The following STXBP5L variants were observed in gnomAD, a reference collection of about 807,000 sequenced individuals.
The protein encoded by STXBP5L is syntaxin-binding protein 5-like.
A neutral mutation model predicts 144.5 loss-of-function variants in STXBP5L; 65 were observed. That is an observed-to-expected ratio of 0.45 (90% CI 0.37 to 0.55). The LOEUF is 0.55. Ranked by LOEUF, STXBP5L falls within the 20% of genes least tolerant of loss-of-function variation. The pLI is 0.00. For synonymous variants in STXBP5L, 505 were observed against 469.6 expected, an observed-to-expected ratio of 1.08 and a Z score of -0.97; for missense variants, 1,298 against 1,405.5, an observed-to-expected ratio of 0.92 and a Z score of 1.22.
intron 20 of STXBP5L, among the ~76,000 whole-genome samples, chr3:121,365,786 G>A (rs1171361479): frequency 1.3e-5 from 2 of 150,598 alleles, no homozygotes; most frequent in Non-Finnish European, 3.0e-5. Flanking sequence ...CTGCTCTAAT[G>A]TTTATGTTTT....
At chr3:121,355,472 C>T (rs187347180) in intron 20 of STXBP5L, among the ~76,000 whole-genome samples, 90 of 152,238 alleles carry the variant, frequency 5.9e-4, no homozygotes, top group Non-Finnish European at 1.1e-3. Context: ...TCCACTTGAT[C>T]GAATCAGCTA....
intron 9 of STXBP5L, among the ~76,000 whole-genome samples, chr3:121,191,933 CAG>C (rs2047704567): frequency 8.2e-6 from 1 of 122,552 alleles, no homozygotes; most frequent in Non-Finnish European, 1.6e-5. Context: ...ACATCACACA[CAG>C]GGGCCTGTTT....
chr3:121,406,124 T>C (rs902429398), intron 22 of STXBP5L, among the ~76,000 whole-genome samples: 2 of 151,994 alleles, frequency 1.3e-5, no homozygotes, highest in Non-Finnish European at 2.9e-5. Context: ...GGGAGAGATG[T>C]TCTTTTATCC....
chr3:121,328,558 G>A (rs571522015), intron 20 of STXBP5L, among the ~76,000 whole-genome samples: 3 of 152,210 alleles, frequency 2.0e-5, no homozygotes, highest in African/African-American at 7.2e-5. Flanking sequence ...AGACCAGCCT[G>A]ACCAACACAG....
chr3:121,088,079 A>G (rs894131852), intron 5 of STXBP5L, among the ~76,000 whole-genome samples: 7 of 152,058 alleles, frequency 4.6e-5, no homozygotes, highest in African/African-American at 1.7e-4. Context: ...ACAAAAGCCA[A>G]AATTGACAAA....
At chr3:121,124,236 G>A (rs2044603836) in intron 7 of STXBP5L, among the ~76,000 whole-genome samples, 1 of 151,696 alleles carries the variant, frequency 6.6e-6, no homozygotes, top group South Asian at 2.1e-4. Flanking sequence ...CTTACAAAAT[G>A]TCTTGATATC....
intron 10 of STXBP5L, among the ~76,000 whole-genome samples, chr3:121,210,930 A>G (rs1394013118): frequency 1.3e-5 from 2 of 152,200 alleles, no homozygotes; most frequent in Middle Eastern, 3.2e-3. Flanking sequence ...TTTTGGTTCC[A>G]TATGAACTTT....
chr3:121,331,713 C>T (rs971741591), intron 20 of STXBP5L, among the ~76,000 whole-genome samples: 2 of 152,160 alleles, frequency 1.3e-5, no homozygotes, highest in Non-Finnish European at 2.9e-5. Flanking sequence ...TTGCATCTAC[C>T]CACATACTTT....
intron 20 of STXBP5L, among the ~76,000 whole-genome samples, chr3:121,367,425 T>A (rs888307146): frequency 7.2e-5 from 11 of 152,114 alleles, no homozygotes; most frequent in Admixed American, 2.6e-4. Flanking sequence ...GGTTGAAATT[T>A]TTTTTCCTCT....
At chr3:121,079,927 G>A (rs1428061249) in intron 5 of STXBP5L, among the ~76,000 whole-genome samples, 1 of 152,180 alleles carries the variant, frequency 6.6e-6, no homozygotes, top group Non-Finnish European at 1.5e-5. Context: ...GAGTATTGAA[G>A]TGCCCCACTA....
In STXBP5L at chr3:121,413,013, G is replaced by A. The variant is rs147126529; in HGVS notation, c.2949-145G>A. ...ACTGCACTCCAGCTTGGGTGACAGA[G>A]CAAGACTCTGTCTCAAAAAAATATA... On this transcript the variant is annotated intron_variant, in intron 23 of 26. Transcript: ENST00000471454. The A allele has an allele frequency of 9.4e-3, 6,224 of 659,954 alleles. 51 individuals are homozygous for A. Among genetic ancestry groups the A allele is most frequent in the Middle Eastern group, 0.013 (26 of 2,036 alleles). 40.9% of individuals were successfully genotyped at this position (659,954 alleles called of 1,614,324 possible).
chr3:121,346,921 C>T lies in STXBP5L; in HGVS notation c.2176+28381C>T, dbSNP rs560646169. ...GTACATTGCCTGTTCACTCTGATGG[C>T]GGTTTCTTTTGCTGTGCAGAAGGTC... On this transcript the variant is annotated intron_variant, in intron 20 of 26. Transcript: ENST00000471454. Among the ~76,000 whole-genome samples, 17 of 152,106 alleles carry T rather than the reference C, an allele frequency of 1.1e-4. No individual in the cohort carries two copies. The South Asian group carries it at 1.5e-3, about 13-fold the overall frequency.
chr3:121,084,887 A>G (rs9828852), intron 5 of STXBP5L, among the ~76,000 whole-genome samples: 15,121 of 152,048 alleles, frequency 0.099, 1,185 homozygotes, highest in Admixed American at 0.2. Context: ...TTGTTTCTTG[A>G]CTTTTTAATG....
At chr3:121,324,784 A>G (rs1414079851) in intron 20 of STXBP5L, among the ~76,000 whole-genome samples, 1 of 152,072 alleles carries the variant, frequency 6.6e-6, no homozygotes, top group Admixed American at 6.5e-5. Flanking sequence ...AGGAATCCCT[A>G]AGGCTTTTGT....
chr3:121,067,818 TATTA>T (rs1473492351), intron 5 of STXBP5L, among the ~76,000 whole-genome samples: 2 of 152,222 alleles, frequency 1.3e-5, no homozygotes, highest in Non-Finnish European at 2.9e-5. Context: ...TATATGTATT[TATTA>T]CTTTATCATT....
intron 5 of STXBP5L, among the ~76,000 whole-genome samples, chr3:121,049,454 C>T (rs887053896): frequency 2.0e-5 from 3 of 152,108 alleles, no homozygotes; most frequent in Admixed American, 6.5e-5. Context: ...CTTAAGGTGG[C>T]TGCCTTTTAC....
intron 19 of STXBP5L, among the ~76,000 whole-genome samples, chr3:121,316,854 G>T (rs9332451): frequency 1.3e-5 from 2 of 151,790 alleles, no homozygotes; most frequent in Non-Finnish European, 2.9e-5. Flanking sequence ...TTTTTTCACT[G>T]TTGTTCCACG....
chr3:121,212,328 T>C (rs1031622464), intron 10 of STXBP5L, among the ~76,000 whole-genome samples: 10 of 152,198 alleles, frequency 6.6e-5, no homozygotes, highest in Admixed American at 2.0e-4. Flanking sequence ...GGTTTTCTTC[T>C]AGGGTTTTAT....
At chr3:121,252,086 G>A (rs1471815493) in intron 15 of STXBP5L, among the ~76,000 whole-genome samples, 1 of 152,154 alleles carries the variant, frequency 6.6e-6, no homozygotes, top group African/African-American at 2.4e-5. Context: ...AGGGCCAGGC[G>A]CAGTTGTTCA....
Sources: allele counts gnomAD v4.1 joint callset (sites outside exome capture counted in the v4.1 genomes callset), GRCh38; gene constraint gnomAD v4.1.1; transcripts MANE v1.5; gene names NCBI Gene and HGNC (gene_info 2026-07-23, HGNC 2026-07-21).